TSPAN16: variants seen among roughly 807,000 people sequenced by gnomAD.
The protein encoded by TSPAN16 is tetraspanin-16.
A neutral mutation model predicts 25.2 loss-of-function variants in TSPAN16; 23 were observed. The observed-to-expected ratio is 0.91, with a 90% CI of 0.66 to 1.29. TSPAN16 has a LOEUF of 1.29. TSPAN16 is among the 50% of genes most tolerant of loss of function. TSPAN16 has a pLI of 0.00. For synonymous variants in TSPAN16, 123 were observed against 124.4 expected (o/e 0.99, Z 0.08); for missense variants, 272 against 299.9 (o/e 0.91, Z 0.69).
intron 1 of TSPAN16, 27 bp downstream of exon 1, chr19:11,296,393 G>A: frequency 6.2e-7 from 1 of 1,611,536 alleles, no homozygotes; most frequent in South Asian, 1.1e-5. Flanking sequence ...CCAGGCCCCT[G>A]GTTTGTTGCA....
chr19:11,324,334 T>C (rs1190992349), intron 6 of TSPAN16: 1 of 151,732 alleles, frequency 6.6e-6, no homozygotes, highest in Non-Finnish European at 1.5e-5. Flanking sequence ...ATGACAAGGA[T>C]TGGGAAATGG....
intron 6 of TSPAN16, among the ~76,000 whole-genome samples, chr19:11,325,935 G>A (rs2080810216): frequency 2.0e-5 from 3 of 151,964 alleles, no homozygotes; most frequent in African/African-American, 7.3e-5. Context: ...AAAAGTAGAT[G>A]GGCGGCCAGG....
chr19:11,302,455 G>A (rs2080562514), intron 4 of TSPAN16, among the ~76,000 whole-genome samples: 1 of 147,816 alleles, frequency 6.8e-6, no homozygotes, highest in African/African-American at 2.5e-5. Flanking sequence ...CTTGAATCCG[G>A]GAGGCAGAGG....
In TSPAN16 at chr19:11,298,194, CCT is replaced by C; in HGVS notation, c.127_128del (p.Leu43AspfsTer38). 1 of 1,614,154 alleles carries C rather than the reference CCT, an allele frequency of 6.2e-7. No homozygotes were observed. The highest frequency in any genetic ancestry group is 8.5e-7 in the Non-Finnish European group (1 of 1,180,024). On this transcript the variant is annotated frameshift_variant, in exon 2 of 7. Transcript: ENST00000590327. LOFTEE classifies it high-confidence loss of function. ...GGCATTGGTGGTAAATGTGGAGGGGCCTCTCTGACGAATGTCCTCGGGCTGTC... is the reference window on the plus strand; with the variant it reads ...GGCATTGGTGGTAAATGTGGAGGGGCCTCTGACGAATGTCCTCGGGCTGTC...
chr19:11,309,450 T>A (rs891389162), intron 5 of TSPAN16, among the ~76,000 whole-genome samples: 1 of 152,194 alleles, frequency 6.6e-6, no homozygotes, highest in Non-Finnish European at 1.5e-5. Context: ...TCCTCGCTAC[T>A]GCTCAGAAAC....
chr19:11,299,645 G>A (rs1251763234), intron 3 of TSPAN16, among the ~76,000 whole-genome samples: 1 of 152,216 alleles, frequency 6.6e-6, no homozygotes, highest in African/African-American at 2.4e-5. Context: ...TCACTTGCTG[G>A]TGTGCAGAAT....
intron 5 of TSPAN16, among the ~76,000 whole-genome samples, chr19:11,307,647 C>T (rs566852126): frequency 4.6e-5 from 7 of 151,938 alleles, no homozygotes; most frequent in South Asian, 4.2e-4. Flanking sequence ...AGGCTGGTCT[C>T]GAACTCCTGG....
chr19:11,310,197 G>C (rs1262724735), intron 5 of TSPAN16, among the ~76,000 whole-genome samples: 1 of 152,086 alleles, frequency 6.6e-6, no homozygotes, highest in Non-Finnish European at 1.5e-5. Context: ...GATGTGCCAG[G>C]GGCCTAGAAG....
chr19:11,320,076 C>T (rs899155008), downstream of TSPAN16, among the ~76,000 whole-genome samples: 12 of 150,512 alleles, frequency 8.0e-5, no homozygotes, highest in Non-Finnish European at 1.5e-5. Context: ...CCTCCGCCTC[C>T]CAAGGTGCTG....
intron 6 of TSPAN16, among the ~76,000 whole-genome samples, chr19:11,313,925 T>C (rs568593425): frequency 6.6e-6 from 1 of 152,346 alleles, no homozygotes; most frequent in South Asian, 2.1e-4. Context: ...ATAGCAGGAT[T>C]ATTCATAATA....
intron 4 of TSPAN16, among the ~76,000 whole-genome samples, chr19:11,302,672 T>TAC (rs1555703599): frequency 2.6e-4 from 32 of 124,016 alleles, no homozygotes; most frequent in African/African-American, 1.3e-3. Flanking sequence ...TATATATATA[T>TAC]ATATATACAC....
downstream of TSPAN16, chr19:11,316,086 G>GTGTGTGTGT (rs2080745994): frequency 1.2e-5 from 3 of 257,566 alleles, no homozygotes; most frequent in Non-Finnish European, 1.8e-5. Context: ...AATTATTCTT[G>GTGTGTGTGT]GTGTGTGTGT....
chr19:11,321,062 G>A (rs944455370), intron 6 of TSPAN16, among the ~76,000 whole-genome samples: 6 of 151,794 alleles, frequency 4.0e-5, no homozygotes, highest in South Asian at 2.1e-4. Flanking sequence ...CCAGCTACTC[G>A]GGAGGCTGAG....
chr19:11,311,965 G>A (rs1180205120), intron 5 of TSPAN16, among the ~76,000 whole-genome samples, 174 bp from the exon 6 acceptor site: 6 of 152,092 alleles, frequency 3.9e-5, no homozygotes, highest in African/African-American at 7.2e-5. Flanking sequence ...CTAGGGTGGC[G>A]GGGAGCGGGT....
chr19:11,303,591 A>AC (rs1444729700), intron 4 of TSPAN16, among the ~76,000 whole-genome samples: 1 of 147,932 alleles, frequency 6.8e-6, no homozygotes, highest in Non-Finnish European at 1.5e-5. Context: ...AAAAAAAAAA[A>AC]AAAAAACTCC....
intron 3 of TSPAN16, chr19:11,300,712 G>A (rs1395799956): frequency 1.9e-5 from 3 of 154,114 alleles, no homozygotes; most frequent in Non-Finnish European, 4.3e-5. Flanking sequence ...AGGAAGGGGT[G>A]GGAGAGAGAC....
At chr19:11,326,604 C>A (rs1241638236) in intron 6 of TSPAN16, among the ~76,000 whole-genome samples, 1 of 152,162 alleles carries the variant, frequency 6.6e-6, no homozygotes, top group Non-Finnish European at 1.5e-5. Flanking sequence ...GTCACATTTT[C>A]CATTGCTTTT....
intron 6 of TSPAN16, chr19:11,325,191 C>T (rs2080804382): frequency 3.7e-6 from 2 of 534,954 alleles, no homozygotes; most frequent in Non-Finnish European, 6.8e-6. Flanking sequence ...AGCTGAGTCC[C>T]CATGGTCCGC....
chr19:11,304,953 A>T (rs935277612), intron 4 of TSPAN16, among the ~76,000 whole-genome samples: 1 of 151,640 alleles, frequency 6.6e-6, no homozygotes, highest in Non-Finnish European at 1.5e-5. Context: ...GCCCAGCTTC[A>T]TTTATTAAAA....
Sources: gnomAD v4.1 joint callset for allele counts (sites outside exome capture counted in the v4.1 genomes callset) on GRCh38, gnomAD v4.1.1 for gene constraint, MANE v1.5 for transcripts, NCBI Gene and HGNC (gene_info 2026-07-23, HGNC 2026-07-21) for gene names.